The following CBX7 variants were observed in gnomAD, a reference collection of about 807,000 sequenced individuals.
CBX7 encodes the protein chromobox 7.
Under a neutral mutation model 31.4 loss-of-function variants are expected in CBX7, and 14 were observed. The observed-to-expected ratio is 0.45, with a 90% CI of 0.29 to 0.70. The LOEUF is 0.70. Among genes scored for constraint, CBX7 ranks in the 30% least tolerant of loss-of-function variants. The pLI is 0.11. For missense variants in CBX7, 269 were observed against 351.9 expected, an observed-to-expected ratio of 0.76 and a Z score of 1.89; for synonymous variants, 159 against 152.6, an observed-to-expected ratio of 1.04 and a Z score of -0.31.
Position 39,152,130 on chromosome 22 carries a change from C to T in CBX7, c.69+246G>A, listed in dbSNP as rs1225247707. On this transcript the variant is annotated intron_variant, in intron 1 of 5. Coordinates refer to ENST00000216133, the MANE Select transcript of CBX7 (RefSeq NM_175709.5). The surrounding 1 kb of genome is among the most constrained non-coding windows in gnomAD (Gnocchi z 4.9). ...GGATGGCGCTGAGGATCCCTACGTCCGATCCTAATCTCCAGCTCAGGCAGG... is the reference window on the plus strand; with the variant it reads ...GGATGGCGCTGAGGATCCCTACGTCTGATCCTAATCTCCAGCTCAGGCAGG... Among the ~76,000 whole-genome samples, 3 of 152,148 alleles carry T rather than the reference C, an allele frequency of 2.0e-5. No homozygotes were observed. Among genetic ancestry groups the T allele is most frequent in the Admixed American group, 6.5e-5 (1 of 15,282 alleles).
At chr22:39,143,169 G>T (rs1387318876) in intron 2 of CBX7, among the ~76,000 whole-genome samples, 1 of 152,168 alleles carries the variant, frequency 6.6e-6, no homozygotes, top group African/African-American at 2.4e-5. Context: ...TGGGAGAATC[G>T]CTTGAACCTG....
chr22:39,149,091 A>C (rs1930762222), intron 2 of CBX7: 1 of 152,428 alleles, frequency 6.6e-6, no homozygotes, highest in South Asian at 2.1e-4. Flanking sequence ...ATGGGGCCTC[A>C]GCAGGAGAGG....
At chr22:39,148,903 A>C (rs1930752904) in intron 2 of CBX7, 1 of 152,314 alleles carries the variant, frequency 6.6e-6, no homozygotes, top group South Asian at 2.1e-4. Context: ...GTCAGCCCCC[A>C]CCAGCACAGC....
At position 39,150,694 on chromosome 22, in the gene CBX7, G is replaced by A. The variant is rs191139793; in HGVS notation, c.70-862C>T. Reference sequence around the variant, plus strand: ...CTGAGGCAGGAGGATCGTTTGAGCCGGGGAGGTTGAGGCTGCAGTGAGCCA... The same window carrying A: ...CTGAGGCAGGAGGATCGTTTGAGCCAGGGAGGTTGAGGCTGCAGTGAGCCA... On this transcript the variant is annotated intron_variant, in intron 1 of 5. Transcript: ENST00000216133. Among the ~76,000 whole-genome samples, 56 of 152,238 alleles carry A rather than the reference G, an allele frequency of 3.7e-4. 1 individual carries two copies. The East Asian group carries it at 0.01, about 28-fold the overall frequency.
chr22:39,148,619 G>C (rs925766108), intron 2 of CBX7: 3 of 152,354 alleles, frequency 2.0e-5, no homozygotes, highest in African/African-American at 7.2e-5. Context: ...CAGAATATTC[G>C]GGAAGGGAGA....
intron 1 of CBX7, among the ~76,000 whole-genome samples, chr22:39,151,131 A>G (rs1458559349): frequency 2.0e-5 from 3 of 152,222 alleles, no homozygotes; most frequent in African/African-American, 4.8e-5. Context: ...TGCGGGCTCC[A>G]TCGTAGAGGG....
intron 3 of CBX7, among the ~76,000 whole-genome samples, chr22:39,139,193 C>T (rs547056931): frequency 3.9e-5 from 6 of 152,214 alleles, no homozygotes; most frequent in Admixed American, 6.5e-5. Flanking sequence ...GAGAGCGGAC[C>T]GGCTCCTACC....
rs531010845 is a variant in CBX7 at position 39,133,377 on chromosome 22, A to G, written c.*514T>C. 6.6e-6 allele frequency: 1 copy of G among 152,172 alleles called. No individual in the cohort carries two copies. Among genetic ancestry groups the G allele is most frequent in the South Asian group, 2.1e-4 (1 of 4,820 alleles). 9.4% of individuals were successfully genotyped at this position (152,172 alleles called of 1,614,324 possible). On this transcript the variant is annotated 3_prime_UTR_variant, in exon 6 of 6. Coordinates refer to ENST00000216133, the MANE Select transcript of CBX7 (RefSeq NM_175709.5). ...AAGGGGAAGGGACTCGCCCCAAGTA[A>G]CCTCAACCCTTCCTCCTGCCCCTTC...
rs181497267 is a variant in CBX7, at chr22:39,137,105, C to T, written c.246+1531G>A. 2.0e-5 allele frequency among the ~76,000 whole-genome samples: 3 copies of T among 152,264 alleles called. No individual in the cohort carries two copies. The East Asian group carries it at 5.8e-4, about 29-fold the overall frequency. The stretch of plus-strand genomic sequence containing the variant: ...CATACCCATTTTACAGGTGAAGAGG[C>T]TTACCTACAACCACACACAGGCAGA... On this transcript the variant is annotated intron_variant, in intron 4 of 5. Coordinates refer to ENST00000216133, the MANE Select transcript of CBX7 (RefSeq NM_175709.5).
At chr22:39,140,689 C>T (rs1234009463) in intron 3 of CBX7, among the ~76,000 whole-genome samples, 1 of 152,138 alleles carries the variant, frequency 6.6e-6, no homozygotes, top group Non-Finnish European at 1.5e-5. Context: ...CCGCACAAGG[C>T]AGGCGGGCTG....
intron 4 of CBX7, 105 bp downstream of exon 4, chr22:39,138,530 AG>A (rs1930336911): frequency 9.5e-7 from 1 of 1,054,954 alleles, no homozygotes; most frequent in South Asian, 1.3e-5. Context: ...GGTACAGGCG[AG>A]GGGACACAGA....
intron 3 of CBX7, among the ~76,000 whole-genome samples, chr22:39,140,734 G>T (rs536986637): frequency 2.6e-5 from 4 of 152,180 alleles, no homozygotes; most frequent in African/African-American, 9.7e-5. Context: ...CTGCTGGTGG[G>T]GGGGGCGGCC....
intron 2 of CBX7, among the ~76,000 whole-genome samples, chr22:39,145,715 C>A (rs1331215988): frequency 1.4e-5 from 2 of 146,392 alleles, no homozygotes; most frequent in Non-Finnish European, 3.0e-5. Context: ...TACCGGCAAA[C>A]CGAGGGGGCG....
intron 2 of CBX7, among the ~76,000 whole-genome samples, chr22:39,143,962 C>T (rs796430441): frequency 6.6e-6 from 1 of 152,214 alleles, no homozygotes; most frequent in Admixed American, 6.5e-5. Flanking sequence ...CAGACAAAAG[C>T]AAAGCGATGC....
chr22:39,135,159 G>T (rs890741994), intron 4 of CBX7: 2 of 175,946 alleles, frequency 1.1e-5, no homozygotes, highest in Non-Finnish European at 2.4e-5. Context: ...TCACCCGGGA[G>T]ATGGTGCAGG....
intron 3 of CBX7, 119 bp downstream of exon 3, chr22:39,141,252 G>GCCTGCCCCATCGGACACCCCTGC: frequency 1.3e-6 from 1 of 771,896 alleles, no homozygotes; most frequent in African/African-American, 1.8e-5. Flanking sequence ...GGCTGGGCTG[G>GCCTGCCCCATCGGACACCCCTGC]CCTGCCCCAT....
At chr22:39,141,344 C>A in intron 3 of CBX7, 27 bp downstream of exon 3, 1 of 1,600,816 alleles carries the variant, frequency 6.2e-7, no homozygotes, top group South Asian at 1.1e-5. Context: ...CCCTAAGCCC[C>A]ACCCGGCGGT....
At chr22:39,142,372 C>A (rs540151881) in intron 2 of CBX7, among the ~76,000 whole-genome samples, 1 of 152,348 alleles carries the variant, frequency 6.6e-6, no homozygotes, top group Non-Finnish European at 1.5e-5. Flanking sequence ...ACAGCCAGGT[C>A]TGAAGTTCCC....
intron 4 of CBX7, chr22:39,135,955 T>A (rs1412573799): frequency 6.6e-6 from 1 of 152,162 alleles, no homozygotes; most frequent in Admixed American, 6.6e-5. Flanking sequence ...CCGGGTGTGG[T>A]GGCAGGTGCC....
Sources: allele counts gnomAD v4.1 joint callset (sites outside exome capture counted in the v4.1 genomes callset), GRCh38; gene constraint gnomAD v4.1.1; non-coding constraint Gnocchi (gnomAD v3.1); transcripts MANE v1.5; gene names NCBI Gene and HGNC (gene_info 2026-07-23, HGNC 2026-07-21).